The following MEGF6 variants were observed in gnomAD, a reference collection of about 807,000 sequenced individuals.
MEGF6 encodes multiple epidermal growth factor-like domains protein 6.
MEGF6 carries 184 observed loss-of-function variants against 207.1 expected under a neutral mutation model. The observed-to-expected ratio is 0.89, with a 90% CI of 0.79 to 1.00. The LOEUF (loss-of-function observed/expected upper bound fraction) is 1.00. MEGF6 is among the 50% of genes least tolerant of loss of function. The probability of loss-of-function intolerance (pLI) is 0.00; values close to 1 mark genes in which losing one functional copy is unlikely to be tolerated. For synonymous variants in MEGF6, 1,038 were observed against 910.0 expected (o/e 1.14, Z -2.53); for missense variants, 2,282 against 2,202.9 (o/e 1.04, Z -0.72).
At chr1:3,514,179 C>T (rs184160449) in intron 7 of MEGF6, among the ~76,000 whole-genome samples, 1 of 150,848 alleles carries the variant, frequency 6.6e-6, no homozygotes, top group Non-Finnish European at 1.5e-5. Flanking sequence ...GCCTGGGAGG[C>T]GGAGCTTGCA....
chr1:3,494,497 A>G lies in MEGF6; in HGVS notation c.4003T>C (p.Cys1335Arg), dbSNP rs1330405902. ...GWTGRHCELA[C>R]PPGRYGAACH... ...GCGGCTCCGTAGCGCCCAGGGGGAC[A>G]GGCTGGGGACAGGGCAGGGTGGGCA... The change falls in exon 32 of 37, where the codon TGT (cysteine) becomes CGT (arginine). Residue 1335 changes from cysteine to arginine, a missense_variant and splice_region_variant. Transcript: ENST00000356575. 2 of 1,589,748 alleles carry G rather than the reference A, an allele frequency of 1.3e-6. No homozygotes were observed. The highest frequency in any genetic ancestry group is 1.7e-6 in the Non-Finnish European group (2 of 1,171,744).
At chr1:3,622,582 G>A in the MEGF6 span, among the ~76,000 whole-genome samples, 1 of 152,230 alleles carries the variant, frequency 6.6e-6, no homozygotes, top group Non-Finnish European at 1.5e-5. Context: ...CAACAGGGAT[G>A]TTGCAGAAGA....
chr1:3,519,394 C>A (rs552544875), intron 5 of MEGF6, among the ~76,000 whole-genome samples: 8 of 152,348 alleles, frequency 5.3e-5, no homozygotes, highest in Admixed American at 5.2e-4. Context: ...ACGGCGGGGG[C>A]CAACAGGGGC....
chr1:3,497,522 G>A (rs1011442531), intron 26 of MEGF6, 161 bp from the exon 27 acceptor site: 38 of 1,011,618 alleles, frequency 3.8e-5, no homozygotes, highest in African/African-American at 2.0e-4. Context: ...CCGCCACCCC[G>A]GAGGGCAGAG....
intron 4 of MEGF6, among the ~76,000 whole-genome samples, chr1:3,564,771 G>A (rs1410480205): frequency 4.6e-5 from 7 of 152,152 alleles, no homozygotes; most frequent in African/African-American, 1.7e-4. Flanking sequence ...CTCTGCACCA[G>A]GCTCCCCCAA....
chr1:3,492,775 G>A lies in MEGF6; in HGVS notation c.4388-8C>T, dbSNP rs951633527. ...ACTGGCCCCTTCTGCAATCTGCAAGGCGGAGGGGGCGGGAGACAAACCTGA... is the reference window on the plus strand; with the variant it reads ...ACTGGCCCCTTCTGCAATCTGCAAGACGGAGGGGGCGGGAGACAAACCTGA... On this transcript the variant is annotated splice_polypyrimidine_tract_variant and splice_region_variant and intron_variant, in intron 34 of 36. Transcript: ENST00000356575. 6.2e-7 allele frequency: 1 copy of A among 1,606,504 alleles called. No individual in the cohort carries two copies. The highest frequency in any genetic ancestry group is 1.3e-5 in the African/African-American group (1 of 74,806).
intron 4 of MEGF6, among the ~76,000 whole-genome samples, chr1:3,544,027 T>C (rs2101535051): frequency 6.6e-6 from 1 of 152,238 alleles, no homozygotes; most frequent in South Asian, 2.1e-4. Context: ...AGCCGCTCTA[T>C]CGCGGGAGAG....
intron 17 of MEGF6, 81 bp from the exon 18 acceptor site, chr1:3,502,002 G>A (rs1446940329): frequency 1.0e-5 from 15 of 1,475,616 alleles, no homozygotes; most frequent in East Asian, 7.6e-5. Context: ...GGCTCCTGGT[G>A]AGTGTGCCCC....
intron 10 of MEGF6, among the ~76,000 whole-genome samples, chr1:3,510,326 C>A (rs902520490): frequency 6.6e-6 from 1 of 152,136 alleles, no homozygotes; most frequent in Non-Finnish European, 1.5e-5. Flanking sequence ...TCAGCACAGC[C>A]CTCCAGGCAG....
chr1:3,506,134 C>A lies in MEGF6; in HGVS notation c.1892G>T (p.Gly631Val). Reference sequence around the variant, plus strand: ...GAGGTGGCAGAAGCGGCCGTAGAGCCCTGGGTCGCAGAGGCAGGCCCCGTA... The same window carrying A: ...GAGGTGGCAGAAGCGGCCGTAGAGCACTGGGTCGCAGAGGCAGGCCCCGTA... ...RLYGACLCDP[G>V]LYGRFCHLTC... The change falls in exon 15 of 37, where the codon GGG becomes GTG. Residue 631 changes from glycine (G) to valine (V), a missense_variant. Physicochemically the swap from Gly to Val is moderately radical, Grantham distance 109. Transcript: ENST00000356575. 6.3e-7 allele frequency: 1 copy of A among 1,598,078 alleles called. No homozygotes were observed. Among genetic ancestry groups the A allele is most frequent in the Non-Finnish European group, 8.5e-7 (1 of 1,173,022 alleles).
chr1:3,533,494 C>G (rs148159830), intron 4 of MEGF6, among the ~76,000 whole-genome samples: 60 of 152,380 alleles, frequency 3.9e-4, no homozygotes, highest in African/African-American at 1.3e-3. Context: ...TTAGTGCCAA[C>G]AGAAGCTCGA....
intron 4 of MEGF6, among the ~76,000 whole-genome samples, chr1:3,551,660 C>G (rs1267448998): frequency 2.0e-5 from 3 of 152,166 alleles, no homozygotes; most frequent in Non-Finnish European, 4.4e-5. Context: ...GGACAGGAGA[C>G]AGCACCCCGC....
intron 13 of MEGF6, among the ~76,000 whole-genome samples, chr1:3,508,333 T>C (rs1641196143): frequency 6.6e-6 from 1 of 152,236 alleles, no homozygotes; most frequent in Non-Finnish European, 1.5e-5. Context: ...AACTTGCTTG[T>C]TCCCAGGGAA....
chr1:3,595,703 C>T (rs969468896), intron 2 of MEGF6, among the ~76,000 whole-genome samples: 10 of 152,312 alleles, frequency 6.6e-5, no homozygotes, highest in South Asian at 2.1e-4. Context: ...CCCGGGAACA[C>T]GCTACCTCAC....
intron 2 of MEGF6, 72 bp from the exon 3 acceptor site, chr1:3,595,519 G>A: frequency 1.5e-6 from 2 of 1,297,486 alleles, no homozygotes; most frequent in South Asian, 2.4e-5. Flanking sequence ...CTGCACCCCT[G>A]GGGAGACTGA....
At position 3,505,548 on chromosome 1, in the gene MEGF6, G is replaced by A. The variant is rs1008053757; in HGVS notation, c.1927C>T (p.Pro643Ser). 1 of 1,580,070 alleles carries A rather than the reference G, an allele frequency of 6.3e-7. No homozygotes were observed. Among genetic ancestry groups the A allele is most frequent in the Non-Finnish European group, 8.6e-7 (1 of 1,166,408 alleles). Residue 643 changes from proline (P) to serine (S), a missense_variant, in exon 16 of 37, where the codon CCG becomes TCG. Pro to Ser is a moderately conservative substitution (Grantham distance 74). Transcript: ENST00000356575. The stretch of plus-strand genomic sequence containing the variant: ...GAGCAGCCCGGCCCAAAGGCCCACG[G>A]CGGGCAGGCTGCACCCACAGAACCG... ...YGRFCHLTCP[P>S]WAFGPGCSEE...
intron 4 of MEGF6, among the ~76,000 whole-genome samples, chr1:3,525,046 T>C (rs917559373): frequency 6.6e-5 from 10 of 152,178 alleles, no homozygotes; most frequent in African/African-American, 2.4e-4. Flanking sequence ...TTCTATAGTT[T>C]GTAGCCACCC....
rs1640744590 is a variant in MEGF6 at position 3,499,197 on chromosome 1, T to G, written c.3035A>C (p.Asp1012Ala). ...ACAGTGGCACTGCCCGTGGACAGGG[T>G]CACAGGAGGCCCCGTTAAAGCAGGC... is the stretch of plus-strand genomic sequence containing the variant. ...ACACFNGASC[D>A]PVHGQCHCAP... Residue 1012 changes from aspartate to alanine, a missense_variant, in exon 24 of 37, where the codon GAC becomes GCC. By Grantham distance (126) the Asp-to-Ala change is moderately radical. Transcript: ENST00000356575. The G allele has an allele frequency of 2.5e-6, 4 of 1,604,094 alleles. No individual in the cohort carries two copies. The highest frequency in any genetic ancestry group is 3.4e-6 in the Non-Finnish European group (4 of 1,176,566).
chr1:3,598,209 G>A (rs1386356900), intron 2 of MEGF6, among the ~76,000 whole-genome samples: 2 of 152,162 alleles, frequency 1.3e-5, no homozygotes, highest in Non-Finnish European at 2.9e-5. Context: ...CCGGGCTGCC[G>A]TCTCTGGGTA....
Sources: allele counts gnomAD v4.1 joint callset (sites outside exome capture counted in the v4.1 genomes callset), GRCh38; gene constraint gnomAD v4.1.1; transcripts MANE v1.5; gene names NCBI Gene and HGNC (gene_info 2026-07-23, HGNC 2026-07-21).